The following TEX11 variants were observed in gnomAD, a reference collection of about 807,000 sequenced individuals.
TEX11 encodes testis expressed 11.
TEX11 carries 7 observed loss-of-function variants against 84.4 expected under a neutral mutation model. That is an observed-to-expected ratio of 0.08 (90% confidence interval 0.05 to 0.16). TEX11 has a LOEUF of 0.16. Among genes scored for constraint, TEX11 ranks in the 10% least tolerant of loss-of-function variants. The probability of loss-of-function intolerance (pLI) is 1.00; values close to 1 mark genes in which losing one functional copy is unlikely to be tolerated. For synonymous variants in TEX11, 264 were observed against 222.8 expected, an observed-to-expected ratio of 1.18 and a Z score of -1.64; for missense variants, 551 against 660.5, an observed-to-expected ratio of 0.83 and a Z score of 1.82.
chrX:70,550,772 A>T (rs1290531256), intron 28 of TEX11, among the ~76,000 whole-genome samples: 1 of 111,710 alleles, frequency 9.0e-6, no homozygotes, highest in African/African-American at 3.3e-5. Flanking sequence ...GAGGATGTGG[A>T]GAAAAGGGAA....
At chrX:70,682,856 C>T (rs751028719) in intron 13 of TEX11, 31 bp from the exon 14 acceptor site, 7 of 1,186,025 alleles carry the variant, frequency 5.9e-6, no homozygotes, top group South Asian at 3.8e-5. Flanking sequence ...TTAAGCAATG[C>T]GAACAGAAAA....
chrX:70,814,760 T>G (rs964451301), intron 8 of TEX11, among the ~76,000 whole-genome samples: 10 of 112,653 alleles, frequency 8.9e-5, no homozygotes, highest in African/African-American at 3.2e-4. Flanking sequence ...GGCCATTTCC[T>G]TTGCATAAAT....
At chrX:70,517,366 T>A in the TEX11 span, among the ~76,000 whole-genome samples, 85 of 112,143 alleles carry the variant, frequency 7.6e-4, no homozygotes, top group African/African-American at 2.7e-3. Flanking sequence ...CTTTTCTGCA[T>A]CTATTGAGAT....
chrX:70,833,112 ATACAAAAAG>A, intron 8 of TEX11, among the ~76,000 whole-genome samples: 1 of 109,157 alleles, frequency 9.2e-6, no homozygotes, highest in East Asian at 2.9e-4. Flanking sequence ...TGTACTAAAA[ATACAAAAAG>A]TAGCCAGGTG....
At chrX:70,798,915 T>C (rs1462871974) in intron 9 of TEX11, among the ~76,000 whole-genome samples, 1 of 111,255 alleles carries the variant, frequency 9.0e-6, no homozygotes, top group Non-Finnish European at 1.9e-5. Context: ...GGAAAGCTTA[T>C]TGATATTGTA....
chrX:70,732,087 T>C (rs1194637401), intron 11 of TEX11, among the ~76,000 whole-genome samples: 3 of 111,666 alleles, frequency 2.7e-5, no homozygotes, highest in Non-Finnish European at 5.6e-5. Context: ...GAAAAGGCCT[T>C]TGACAAAATT....
chrX:70,634,045 T>C (rs1364591806), intron 17 of TEX11, among the ~76,000 whole-genome samples: 1 of 112,493 alleles, frequency 8.9e-6, no homozygotes, highest in Non-Finnish European at 1.9e-5. Context: ...ATAAGATCAA[T>C]ATACAAGAAA....
intron 24 of TEX11, among the ~76,000 whole-genome samples, chrX:70,595,051 T>C (rs149510094): frequency 4.5e-5 from 5 of 112,001 alleles, no homozygotes; most frequent in Non-Finnish European, 9.4e-5. Flanking sequence ...AGATGCTTAA[T>C]ATAAGAAACC....
chrX:70,744,131 A>G (rs1296801797), intron 10 of TEX11, 34 bp downstream of exon 10: 3 of 941,569 alleles, frequency 3.2e-6, no homozygotes, highest in Non-Finnish European at 4.2e-6. Flanking sequence ...CAGGTTATTC[A>G]ACCTATTTCT....
At chrX:70,608,193 T>C (rs528699781) in intron 22 of TEX11, among the ~76,000 whole-genome samples, 4 of 112,320 alleles carry the variant, frequency 3.6e-5, no homozygotes, top group African/African-American at 1.3e-4. Context: ...GCACCCACAT[T>C]AAGAAAGATC....
At chrX:70,782,403 G>T (rs752539391) in intron 9 of TEX11, among the ~76,000 whole-genome samples, 160 of 110,616 alleles carry the variant, frequency 1.4e-3, no homozygotes, top group African/African-American at 5.1e-3. Flanking sequence ...GGAAGAAACT[G>T]CATCAATTAA....
intron 13 of TEX11, among the ~76,000 whole-genome samples, chrX:70,710,901 T>A (rs1332357531): frequency 1.8e-5 from 2 of 110,557 alleles, no homozygotes; most frequent in Non-Finnish European, 3.8e-5. Flanking sequence ...ACTCGTCATT[T>A]AACATTAGGT....
chrX:70,653,832 A>G (rs1331001538), intron 16 of TEX11, among the ~76,000 whole-genome samples: 1 of 112,223 alleles, frequency 8.9e-6, no homozygotes, highest in Non-Finnish European at 1.9e-5. Flanking sequence ...ATATATCCAG[A>G]TAGTGAAATA....
chrX:70,824,209 C>G (rs2091332926), intron 8 of TEX11, among the ~76,000 whole-genome samples: 1 of 111,291 alleles, frequency 9.0e-6, no homozygotes, highest in African/African-American at 3.3e-5. Flanking sequence ...CAAGTTAACA[C>G]CAAACTGGTG....
chrX:70,737,260 T>C (rs1341821689), intron 11 of TEX11, among the ~76,000 whole-genome samples: 1 of 111,251 alleles, frequency 9.0e-6, no homozygotes, highest in Non-Finnish European at 1.9e-5. Context: ...GAAGAAAGAT[T>C]AATGAACTTA....
intron 28 of TEX11, among the ~76,000 whole-genome samples, chrX:70,542,777 A>G (rs927023467): frequency 8.9e-6 from 1 of 112,414 alleles, no homozygotes; most frequent in African/African-American, 3.2e-5. Context: ...AGTCAGTCAA[A>G]CAAAGGCAGA....
intron 9 of TEX11, among the ~76,000 whole-genome samples, chrX:70,772,849 A>G (rs943084210): frequency 9.0e-6 from 1 of 111,025 alleles, no homozygotes; most frequent in African/African-American, 3.3e-5. Flanking sequence ...TGATGAAACT[A>G]AAAACGGCCA....
At chrX:70,766,976 T>G (rs905849837) in intron 9 of TEX11, among the ~76,000 whole-genome samples, 5 of 111,910 alleles carry the variant, frequency 4.5e-5, no homozygotes, top group African/African-American at 1.6e-4. Context: ...AAAAATAGAT[T>G]AAAGACTTAA....
intron 20 of TEX11, among the ~76,000 whole-genome samples, chrX:70,610,889 A>T (rs2089253248): frequency 8.9e-6 from 1 of 112,010 alleles, no homozygotes; most frequent in Non-Finnish European, 1.9e-5. Context: ...TAGAACCCTT[A>T]TTTCAAATAA....
Sources: gnomAD v4.1 joint callset for allele counts (sites outside exome capture counted in the v4.1 genomes callset) on GRCh38, gnomAD v4.1.1 for gene constraint, MANE v1.5 for transcripts, NCBI Gene and HGNC (gene_info 2026-07-23, HGNC 2026-07-21) for gene names.